The following SLC22A5 variants were observed in gnomAD, a reference collection of about 807,000 sequenced individuals.
SLC22A5 encodes the protein organic cation/carnitine transporter 2.
SLC22A5 carries 44 observed loss-of-function variants against 56.7 expected under a neutral mutation model. That is an observed-to-expected ratio of 0.78 (90% CI 0.61 to 1.00). The LOEUF is 1.00. Among genes scored for constraint, SLC22A5 ranks in the 50% least tolerant of loss-of-function variants. SLC22A5 has a pLI of 0.00. For missense variants in SLC22A5, 675 were observed against 723.0 expected (o/e 0.93, Z 0.76); for synonymous variants, 278 against 292.1 (o/e 0.95, Z 0.49).
chr5:132,376,896 C>G (rs1479279951), intron 1 of SLC22A5: 1 of 152,272 alleles, frequency 6.6e-6, no homozygotes, highest in Non-Finnish European at 1.5e-5. Context: ...GGATACTTAC[C>G]CACCTACCAG....
chr5:132,394,513 A>G lies in SLC22A5; in HGVS notation c.*241A>G. ...CAACTTCATCTAAGTCCTAACTATT[A>G]CAATGATGGACTCAGCACCTCCAAA... is the stretch of plus-strand genomic sequence containing the variant. On this transcript the variant is annotated 3_prime_UTR_variant, in exon 10 of 10. Coordinates refer to ENST00000245407, the MANE Select transcript of SLC22A5 (RefSeq NM_003060.4). 3 of 569,218 alleles carry G rather than the reference A, an allele frequency of 5.3e-6. No individual in the cohort carries two copies. The highest frequency in any genetic ancestry group is 9.4e-6 in the Non-Finnish European group (3 of 318,086). The allele number at this position is 569,218 out of a possible 1,614,324, so 35.3% of individuals were successfully genotyped here. A position where few individuals can be genotyped will look rare whatever the true frequency, so the allele number is the denominator to read the frequency against.
At chr5:132,378,194 A>C in intron 1 of SLC22A5, 184 bp from the exon 2 acceptor site, 2 of 1,607,598 alleles carry the variant, frequency 1.2e-6, no homozygotes, top group Non-Finnish European at 1.7e-6. Context: ...TGCTATGAAA[A>C]ACAGGATGGG....
Position 132,378,490 on chromosome 5 carries a change from T to G in SLC22A5, c.497+9T>G. On this transcript the variant is annotated intron_variant, in intron 2 of 9. Transcript: ENST00000245407. ...GGGCAGCTGTCAGACAGGTAAGGTG[T>G]CTGTCTTCTGGAGCACCAGGGGACC... 6.2e-7 allele frequency: 1 copy of G among 1,605,614 alleles called. No individual in the cohort carries two copies. Among genetic ancestry groups the G allele is most frequent in the Non-Finnish European group, 8.5e-7 (1 of 1,172,276 alleles).
At position 132,370,028 on chromosome 5, in the gene SLC22A5, G is replaced by C. The variant is rs72552723; in HGVS notation, c.56G>C (p.Arg19Pro). Residue 19 changes from arginine (R) to proline (P), a missense_variant, in exon 1 of 10, where the codon CGC (arginine) becomes CCC (proline). Physicochemically the swap from Arg to Pro is moderately radical, Grantham distance 103. Transcript: ENST00000245407. ...CTGGGCGAGTGGGGGCCCTTCCAGC[G>C]CCTCATCTTCTTCCTGCTCAGCGCC... is the stretch of plus-strand genomic sequence containing the variant. Reference protein sequence around the residue: ...AFLGEWGPFQRLIFFLLSASI... With the variant: ...AFLGEWGPFQPLIFFLLSASI... 1.9e-6 allele frequency: 3 copies of C among 1,613,398 alleles called. No homozygotes were observed. Among genetic ancestry groups the C allele is most frequent in the Non-Finnish European group, 2.5e-6 (3 of 1,179,718 alleles).
chr5:132,394,043 A>T (rs1238269838), intron 9 of SLC22A5, 142 bp from the exon 10 acceptor site: 1 of 770,864 alleles, frequency 1.3e-6, no homozygotes. Context: ...CGCACTGGAT[A>T]ACTCAGAGGC....
intron 1 of SLC22A5, among the ~76,000 whole-genome samples, chr5:132,371,862 C>T (rs1751947478): frequency 6.6e-6 from 1 of 152,088 alleles, no homozygotes; most frequent in Non-Finnish European, 1.5e-5. Context: ...TGCTGAGCCT[C>T]CCCTCCTGGA....
At chr5:132,383,229 G>A (rs1278219883) in intron 2 of SLC22A5, 1 of 152,244 alleles carries the variant, frequency 6.6e-6, no homozygotes. Context: ...ACTTCCTTGT[G>A]AGTTTTTTTA....
intron 3 of SLC22A5, among the ~76,000 whole-genome samples, chr5:132,384,779 C>T (rs180933995): frequency 6.6e-6 from 1 of 152,250 alleles, no homozygotes; most frequent in East Asian, 1.9e-4. Context: ...TAGGAAGGGG[C>T]TTTCGTCACC....
At chr5:132,393,650 C>T in intron 8 of SLC22A5, 26 bp from the exon 9 acceptor site, 1 of 1,613,944 alleles carries the variant, frequency 6.2e-7, no homozygotes, top group East Asian at 2.2e-5. Context: ...AGCCCTGGGC[C>T]TGAGGCTCCG....
intron 8 of SLC22A5, among the ~76,000 whole-genome samples, chr5:132,393,127 G>A (rs1394717581): frequency 2.0e-5 from 2 of 99,308 alleles, no homozygotes; most frequent in Admixed American, 2.4e-4. Flanking sequence ...TCAGAATTAT[G>A]TCTTCATAGC....
At chr5:132,388,012 C>T (rs536774040) in intron 5 of SLC22A5, 2 of 153,134 alleles carry the variant, frequency 1.3e-5, no homozygotes, top group East Asian at 3.9e-4. Context: ...AAAGAGGGAA[C>T]AGTTATTGTA....
intron 3 of SLC22A5, 91 bp downstream of exon 3, chr5:132,384,392 C>A: frequency 7.6e-7 from 1 of 1,308,678 alleles, no homozygotes; most frequent in Non-Finnish European, 1.1e-6. Flanking sequence ...TGATGTCCCT[C>A]AAGGGGGACA....
At chr5:132,389,646 CT>C (rs1752638297) in intron 6 of SLC22A5, 5 of 160,434 alleles carry the variant, frequency 3.1e-5, no homozygotes, top group Admixed American at 2.9e-4. Flanking sequence ...CTTCTGGAGC[CT>C]GGTGGGTTAG....
At chr5:132,385,570 C>G in intron 4 of SLC22A5, 71 bp downstream of exon 4, 1 of 1,254,092 alleles carries the variant, frequency 8.0e-7, no homozygotes, top group Non-Finnish European at 1.2e-6. Context: ...TAGAGGGCAG[C>G]AACAACCCAT....
Position 132,389,077 on chromosome 5 carries a change from T to C in SLC22A5, c.1052+56T>C, listed in dbSNP as rs560607056. 1.6e-4 allele frequency: 177 copies of C among 1,107,000 alleles called. 1 individual carries two copies. Among genetic ancestry groups the C allele is most frequent in the Non-Finnish European group, 2.4e-4 (172 of 719,268 alleles). 68.6% of individuals were successfully genotyped at this position (1,107,000 alleles called of 1,614,324 possible). ...AGACAAAGCTTCTTGAAGTGGCCAT[T>C]GGGCCTCTTGTTTACAGACATGCCT... On this transcript the variant is annotated intron_variant, in intron 6 of 9. Coordinates refer to ENST00000245407, the MANE Select transcript of SLC22A5 (RefSeq NM_003060.4).
Position 132,384,171 on chromosome 5 carries a change from C to T in SLC22A5, c.522C>T (p.Phe174=), listed in dbSNP as rs145350949. ...SDRFGRKNVL[F]VTMGMQTGFS... The stretch of plus-strand genomic sequence containing the variant: ...GGTTTGGCCGGAAGAATGTGCTGTT[C>T]GTGACCATGGGCATGCAGACAGGCT... Residue 174 remains phenylalanine, a synonymous_variant, in exon 3 of 10, where the codon TTC becomes TTT. Coordinates refer to ENST00000245407, the MANE Select transcript of SLC22A5 (RefSeq NM_003060.4). The T allele has an allele frequency of 4.9e-5, 79 of 1,614,082 alleles. No individual in the cohort carries two copies. The highest frequency in any genetic ancestry group is 5.6e-5 in the Non-Finnish European group (66 of 1,180,054).
chr5:132,391,523 T>A (rs1415808332), intron 7 of SLC22A5, among the ~76,000 whole-genome samples: 1 of 152,168 alleles, frequency 6.6e-6, no homozygotes, highest in Non-Finnish European at 1.5e-5. Context: ...CAGAAAGCCC[T>A]GAAAAAGTCT....
Position 132,392,519 on chromosome 5 carries a change from G to A in SLC22A5, c.1354G>A (p.Glu452Lys), listed in dbSNP as rs72552734. The A allele has an allele frequency of 3.2e-5, 52 of 1,613,878 alleles. No individual in the cohort carries two copies. Among genetic ancestry groups the A allele is most frequent in the South Asian group, 1.3e-4 (12 of 91,084 alleles). ...AFSMVYVYTA[E>K]LYPTVVRNMG... ...TTCCATGGTCTACGTGTACACAGCC[G>A]AGCTGTATCCCACAGTGGTGAGAAA... The change falls in exon 8 of 10, where the codon GAG becomes AAG. Residue 452 changes from glutamate (E) to lysine (K), a missense_variant. Transcript: ENST00000245407.
At position 132,394,406 on chromosome 5, in the gene SLC22A5, C is replaced by T. The variant is rs1282244312; in HGVS notation, c.*134C>T. ...CCTCTTGACCTGTGTCTGACTTGCT[C>T]CTGGATGGGCACCCACACTCAGAGG... On this transcript the variant is annotated 3_prime_UTR_variant, in exon 10 of 10. Coordinates refer to ENST00000245407, the MANE Select transcript of SLC22A5 (RefSeq NM_003060.4). 2 of 766,256 alleles carry T rather than the reference C, an allele frequency of 2.6e-6. No homozygotes were observed. The highest frequency in any genetic ancestry group is 2.4e-6 in the Non-Finnish European group (1 of 422,640). 47.5% of individuals were successfully genotyped at this position (766,256 alleles called of 1,614,324 possible).
Sources: allele counts gnomAD v4.1 joint callset (sites outside exome capture counted in the v4.1 genomes callset), GRCh38; gene constraint gnomAD v4.1.1; transcripts MANE v1.5; gene names NCBI Gene and HGNC (gene_info 2026-07-23, HGNC 2026-07-21).